Variants in PRH1 observed in about 807,000 individuals in gnomAD.
The protein encoded by PRH1 is salivary acidic proline-rich phosphoprotein 1/2.
In PRH1, 7 loss-of-function variants were observed where a neutral mutation model predicts 7.9. That is an observed-to-expected ratio of 0.89 (90% CI 0.50 to 1.67). PRH1 has a LOEUF of 1.67. Ranked by LOEUF, PRH1 falls within the 40% of genes most tolerant of loss-of-function variation. PRH1 has a pLI of 0.00. For synonymous variants in PRH1, 45 were observed against 80.8 expected (o/e 0.56, Z 2.38); for missense variants, 109 against 223.6 (o/e 0.49, Z 3.27).
chr12:10,939,231 G>A lies in PRH1; in HGVS notation c.-59+34424C>T, dbSNP rs973473369. ...ATTGCCTGTAAGAGCATGCCCCAAT[G>A]TCTAATATCACTGCTGAAGACTTCT... On this transcript the variant is annotated intron_variant, in intron 2 of 3. Coordinates refer to the PRH1 transcript ENST00000539853. 3 of 1,372,672 alleles carry A rather than the reference G, an allele frequency of 2.2e-6. No individual in the cohort carries two copies. In the African/African-American group the frequency reaches 4.4e-5, roughly 20 times the overall value. The allele number at this position is 1,372,672 out of a possible 1,614,324, so 85.0% of individuals were successfully genotyped here. A position where few individuals can be genotyped will look rare whatever the true frequency, so the allele number is the denominator to read the frequency against.
At chr12:10,895,776 TTCAG>T (rs1275548052) in intron 2 of PRH1, 2 of 152,204 alleles carry the variant, frequency 1.3e-5, no homozygotes, top group Middle Eastern at 3.2e-3. Context: ...CAGTTCCTGA[TTCAG>T]TCAATGATAT....
intron 2 of PRH1, among the ~76,000 whole-genome samples, chr12:10,937,248 G>A (rs899644257): frequency 1.3e-4 from 20 of 151,222 alleles, no homozygotes; most frequent in Middle Eastern, 3.2e-3. Flanking sequence ...GTGTGTGTGC[G>A]TGCGTGTGTA....
intron 1 of PRH1, among the ~76,000 whole-genome samples, chr12:11,025,507 G>C (rs1476983409): frequency 6.6e-6 from 1 of 152,242 alleles, no homozygotes. Context: ...TTTGCGTCCT[G>C]TATTATTTTA....
In PRH1 at chr12:11,133,602, C is replaced by T. The variant is rs1329405427; in HGVS notation, n.40-12422G>A. ...ACCTTGGTGCTGGGATCTTGAGATCCTTTGCCATGGAGCTGCATCTTCTTG... is the reference window on the plus strand; with the variant it reads ...ACCTTGGTGCTGGGATCTTGAGATCTTTTGCCATGGAGCTGCATCTTCTTG... On this transcript the variant is annotated intron_variant and non_coding_transcript_variant, in intron 1 of 1. Coordinates refer to the PRH1 transcript ENST00000541175. 6 of 1,614,246 alleles carry T rather than the reference C, an allele frequency of 3.7e-6. No individual in the cohort carries two copies. The highest frequency in any genetic ancestry group is 3.3e-4 in the Middle Eastern group (2 of 6,062).
chr12:11,077,548 A>T, intron 1 of PRH1: 1 of 1,218,266 alleles, frequency 8.2e-7, no homozygotes, highest in Non-Finnish European at 1.2e-6. Context: ...GAGGAAGGAG[A>T]TCACAGTTTG....
intron 1 of PRH1, among the ~76,000 whole-genome samples, chr12:11,000,713 C>T (rs537565449): frequency 6.6e-6 from 1 of 152,230 alleles, no homozygotes; most frequent in African/African-American, 2.4e-5. Flanking sequence ...ATTGTAGCAT[C>T]AATGCCTCTT....
intron 1 of PRH1, among the ~76,000 whole-genome samples, chr12:11,069,388 C>G (rs1433769327): frequency 6.6e-6 from 1 of 151,500 alleles, no homozygotes; most frequent in Admixed American, 6.6e-5. Flanking sequence ...ATGAGATCAC[C>G]AACACAACAG....
chr12:10,906,728 GTC>G (rs993359848), intron 2 of PRH1, among the ~76,000 whole-genome samples: 20 of 152,072 alleles, frequency 1.3e-4, no homozygotes, highest in African/African-American at 4.3e-4. Context: ...CGTGACTTTT[GTC>G]TCTGCCATTA....
chr12:10,889,354 T>C (rs571007577), intron 2 of PRH1, among the ~76,000 whole-genome samples: 1 of 152,360 alleles, frequency 6.6e-6, no homozygotes, highest in Non-Finnish European at 1.5e-5. Flanking sequence ...TCTACTGTTA[T>C]TTCTGGTTTC....
chr12:10,996,354 A>G (rs1444454479), intron 1 of PRH1: 1 of 151,576 alleles, frequency 6.6e-6, no homozygotes, highest in Admixed American at 6.6e-5. Flanking sequence ...AGAATTCATG[A>G]TTAAAAAAAA....
Position 11,111,831 on chromosome 12 carries a change from C to T in PRH1, n.123+59591G>A, listed in dbSNP as rs576164887. Among the ~76,000 whole-genome samples the T allele has an allele frequency of 2.0e-5, 3 of 152,024 alleles. No homozygotes were observed. In the East Asian group the frequency reaches 5.8e-4, roughly 29 times the overall value. ...GCACAACTGAAGGAGATAGAAACAC[C>T]TAAAACCCTTCAGAAAATCAATGAA... is the stretch of plus-strand genomic sequence containing the variant. On this transcript the variant is annotated intron_variant and non_coding_transcript_variant, in intron 1 of 4. Transcript: ENST00000541977.
intron 1 of PRH1, among the ~76,000 whole-genome samples, chr12:11,055,452 A>C (rs1015973998): frequency 6.6e-6 from 1 of 152,398 alleles, no homozygotes; most frequent in African/African-American, 2.4e-5. Flanking sequence ...CTGATTGTGC[A>C]GTAATGTTCT....
At chr12:10,970,526 T>G (rs1316171489) in intron 2 of PRH1, among the ~76,000 whole-genome samples, 1 of 151,838 alleles carries the variant, frequency 6.6e-6, no homozygotes, top group East Asian at 1.9e-4. Context: ...TAGTTCTTGC[T>G]TATATATTAT....
chr12:10,971,602 T>C (rs1938818356), intron 2 of PRH1, among the ~76,000 whole-genome samples: 1 of 152,182 alleles, frequency 6.6e-6, no homozygotes, highest in Non-Finnish European at 1.5e-5. Context: ...AGAGTACCTG[T>C]ACTGAGTCTT....
intron 2 of PRH1, among the ~76,000 whole-genome samples, chr12:10,921,929 G>A (rs996349441): frequency 6.6e-6 from 1 of 151,988 alleles, no homozygotes; most frequent in African/African-American, 2.4e-5. Context: ...ACCATACCCG[G>A]CTAATTTTTG....
intron 1 of PRH1, among the ~76,000 whole-genome samples, chr12:11,006,581 A>G (rs1030924612): frequency 2.9e-4 from 44 of 151,998 alleles, no homozygotes; most frequent in African/African-American, 1.1e-3. Context: ...AATTTCCAAG[A>G]ACGAATGCAA....
At chr12:11,081,756 A>C (rs1393576520) in intron 1 of PRH1, among the ~76,000 whole-genome samples, 1 of 116,198 alleles carries the variant, frequency 8.6e-6, no homozygotes, top group African/African-American at 2.9e-5. Context: ...ATGTTGTAGA[A>C]ATGGGGCTCT....
intron 1 of PRH1, among the ~76,000 whole-genome samples, chr12:11,071,026 C>T (rs1944043246): frequency 6.7e-6 from 1 of 150,278 alleles, no homozygotes; most frequent in Admixed American, 6.7e-5. Flanking sequence ...CCCTTTGTTC[C>T]CTGTATCCTG....
chr12:11,132,057 T>C (rs1946361147), intron 1 of PRH1, among the ~76,000 whole-genome samples: 1 of 151,880 alleles, frequency 6.6e-6, no homozygotes, highest in African/African-American at 2.4e-5. Context: ...GTGGGGATGA[T>C]TTATCTTAAG....
Sources: allele counts gnomAD v4.1 joint callset (sites outside exome capture counted in the v4.1 genomes callset), GRCh38; gene constraint gnomAD v4.1.1; transcripts MANE v1.5; gene names NCBI Gene and HGNC (gene_info 2026-07-23, HGNC 2026-07-21).